Variants in TNRC6B observed in about 807,000 individuals in gnomAD.
TNRC6B encodes the protein trinucleotide repeat containing adaptor 6B.
TNRC6B carries 52 observed loss-of-function variants against 203.6 expected under a neutral mutation model. The ratio of observed to expected loss-of-function variants is 0.26; its 90% confidence interval spans 0.20 to 0.32. TNRC6B has a LOEUF of 0.32. Ranked by LOEUF, TNRC6B falls within the 10% of genes least tolerant of loss-of-function variation. The probability of loss-of-function intolerance (pLI) is 1.00; values close to 1 mark genes in which losing one functional copy is unlikely to be tolerated. For missense variants in TNRC6B, 1,923 were observed against 2,286.2 expected (o/e 0.84, Z 3.24); for synonymous variants, 838 against 845.7 (o/e 0.99, Z 0.16).
Position 40,265,617 on chromosome 22 carries a change from C to G in TNRC6B, c.1387C>G (p.Gln463Glu). The G allele has an allele frequency of 6.2e-7, 1 of 1,613,716 alleles. No individual in the cohort carries two copies. Among genetic ancestry groups the G allele is most frequent in the Non-Finnish European group, 8.5e-7 (1 of 1,179,754 alleles). Residue 463 changes from glutamine to glutamate, a missense_variant, in exon 5 of 23, where the codon CAG becomes GAG. By Grantham distance (29) the Gln-to-Glu change is conservative. This residue lies in a region of TNRC6B where 614 missense variants were observed against 587.7 expected (regional missense o/e 1.04). Coordinates refer to ENST00000454349, the MANE Select transcript of TNRC6B (RefSeq NM_001162501.2). ...GGACTCCTGGAAAGGAGCTTCTGTT[C>G]AGAAATCAACTGGGTCAAAAAATGA... is the stretch of plus-strand genomic sequence containing the variant. ...REDSWKGASV[Q>E]KSTGSKNDSW... is the part of the protein sequence containing the mutation.
rs1190969055 is a variant in TNRC6B, at chr22:40,132,085, C to T, written c.45+6223C>T. On this transcript the variant is annotated intron_variant, in intron 3 of 23. Coordinates refer to the TNRC6B transcript ENST00000301923. The stretch of plus-strand genomic sequence containing the variant: ...TTCTGTGACTGGGTGCAGTGGCTCA[C>T]GCCTGTAATCCCAGCAGTTTGGGAG... Among the ~76,000 whole-genome samples, 5 of 152,156 alleles carry T rather than the reference C, an allele frequency of 3.3e-5. No individual in the cohort carries two copies. In the East Asian group the frequency reaches 5.8e-4, roughly 18 times the overall value.
In TNRC6B at chr22:40,111,133, C is replaced by G. The variant is rs137894684; in HGVS notation, c.-120-5922C>G. On this transcript the variant is annotated intron_variant, in intron 1 of 23. Transcript: ENST00000301923. ...GAAAGACTTCACAGAACAGGTTTCC[C>G]TAAGCCTGCATCTTGAAAGTTGGGA... Among the ~76,000 whole-genome samples, 12 of 152,328 alleles carry G rather than the reference C, an allele frequency of 7.9e-5. No homozygotes were observed. The East Asian group carries it at 2.3e-3, about 29-fold the overall frequency.
intron 4 of TNRC6B, among the ~76,000 whole-genome samples, chr22:40,167,424 G>A (rs1475890011): frequency 1.3e-5 from 2 of 152,088 alleles, no homozygotes; most frequent in Non-Finnish European, 2.9e-5. Context: ...AGGGGCTGAG[G>A]AAAGGGGAAA....
chr22:40,252,541 G>A (rs984566755), intron 3 of TNRC6B, among the ~76,000 whole-genome samples: 13 of 152,176 alleles, frequency 8.5e-5, no homozygotes, highest in South Asian at 4.1e-4. Flanking sequence ...ATAAATTCTC[G>A]TATGACTAGG....
chr22:40,283,078 C>T (rs559076884), intron 11 of TNRC6B, among the ~76,000 whole-genome samples: 35 of 151,962 alleles, frequency 2.3e-4, no homozygotes, highest in Non-Finnish European at 4.9e-4. Flanking sequence ...CTCTGTCGCC[C>T]AGGCTGGAAT....
chr22:40,268,411 C>T (rs2070510419), intron 5 of TNRC6B, among the ~76,000 whole-genome samples: 1 of 152,116 alleles, frequency 6.6e-6, no homozygotes, highest in South Asian at 2.1e-4. Flanking sequence ...CCGAGTACAC[C>T]TCTAGTGTTC....
At position 40,062,654 on chromosome 22, in the gene TNRC6B, G is replaced by T. The variant is rs189802396; in HGVS notation, c.-121+17656G>T. Among the ~76,000 whole-genome samples, 6 of 152,248 alleles carry T rather than the reference G, an allele frequency of 3.9e-5. No homozygotes were observed. The East Asian group carries it at 1.2e-3, about 29-fold the overall frequency. On this transcript the variant is annotated intron_variant, in intron 1 of 23. Coordinates refer to the TNRC6B transcript ENST00000301923. Reference sequence around the variant, plus strand: ...CTTTTCATTGTCTGGCACTTTTATTGTCAGCTATCCTACTGGGTAGGAAAT... The same window carrying T: ...CTTTTCATTGTCTGGCACTTTTATTTTCAGCTATCCTACTGGGTAGGAAAT...
At chr22:40,129,205 GAGAC>G (rs1305838038) in intron 3 of TNRC6B, among the ~76,000 whole-genome samples, 1 of 152,224 alleles carries the variant, frequency 6.6e-6, no homozygotes, top group Non-Finnish European at 1.5e-5. Context: ...GTTAGAGAGA[GAGAC>G]AGAGACCTTG....
rs141372293 is a variant in TNRC6B at position 40,236,936 on chromosome 22, G to A, written c.6-9079G>A. 8.5e-4 allele frequency among the ~76,000 whole-genome samples: 129 copies of A among 152,220 alleles called. 2 individuals carry two copies. The East Asian group carries it at 9.1e-3, about 11-fold the overall frequency. ...TCCCAACATTTTGGGAGGTCGAGGC[G>A]GGCGGATTATCTGAGGCCAGGAGTT... On this transcript the variant is annotated intron_variant, in intron 1 of 22. Transcript: ENST00000454349.
At chr22:40,114,542 C>T (rs959107657) in intron 1 of TNRC6B, among the ~76,000 whole-genome samples, 10 of 152,198 alleles carry the variant, frequency 6.6e-5, no homozygotes, top group Admixed American at 1.3e-4. Flanking sequence ...AGGCTGATCT[C>T]GAACTCCTGA....
At chr22:40,153,581 AGTG>A (rs2068781037) in intron 3 of TNRC6B, among the ~76,000 whole-genome samples, 1 of 151,862 alleles carries the variant, frequency 6.6e-6, no homozygotes, top group Non-Finnish European at 1.5e-5. Flanking sequence ...AAGAAGAGGA[AGTG>A]GTAATTATTA....
At chr22:40,277,179 A>G in intron 8 of TNRC6B, 28 bp downstream of exon 8, 1 of 1,546,178 alleles carries the variant, frequency 6.5e-7, no homozygotes. Context: ...CAAATGTATA[A>G]CGTATCCCAA....
chr22:40,145,687 C>T (rs180849458), intron 3 of TNRC6B, among the ~76,000 whole-genome samples: 2 of 152,050 alleles, frequency 1.3e-5, no homozygotes, highest in East Asian at 1.9e-4. Context: ...ACTAAAAATA[C>T]AAAAATTAGC....
intron 1 of TNRC6B, among the ~76,000 whole-genome samples, chr22:40,100,067 ATTATTTATTTAT>A (rs34836211): frequency 2.1e-3 from 234 of 112,080 alleles, no homozygotes; most frequent in African/African-American, 4.5e-3. Context: ...TTTTATTTTT[ATTATTTATTTAT>A]TTATTTATTT....
At chr22:40,274,495 A>G (rs868472553) in intron 7 of TNRC6B, among the ~76,000 whole-genome samples, 2 of 148,256 alleles carry the variant, frequency 1.3e-5, no homozygotes, top group Admixed American at 6.8e-5. Context: ...GTCTCAGCTC[A>G]CTGCAAGCTC....
chr22:40,150,741 A>G (rs2068743941), intron 3 of TNRC6B, among the ~76,000 whole-genome samples: 1 of 152,208 alleles, frequency 6.6e-6, no homozygotes, highest in Non-Finnish European at 1.5e-5. Context: ...TCATTCCCAG[A>G]ACACTGAAAG....
chr22:40,281,039 TTCTC>T, intron 10 of TNRC6B, 76 bp from the exon 11 acceptor site: 1 of 1,198,808 alleles, frequency 8.3e-7, no homozygotes. Context: ...TTGCTAGTGT[TTCTC>T]TCTTTTCCCT....
chr22:40,273,616 A>G lies in TNRC6B; in HGVS notation c.3141+16A>G. The G allele has an allele frequency of 6.4e-7, 1 of 1,554,418 alleles. No homozygotes were observed. Among genetic ancestry groups the G allele is most frequent in the Non-Finnish European group, 8.7e-7 (1 of 1,149,756 alleles). ...ACAAATGAAGGTAGCCTGCTTAGAA[A>G]TGTTCGCACTTGCTCATTCGCTCTG... On this transcript the variant is annotated intron_variant, in intron 7 of 22. Coordinates refer to ENST00000454349, the MANE Select transcript of TNRC6B (RefSeq NM_001162501.2).
intron 1 of TNRC6B, among the ~76,000 whole-genome samples, chr22:40,054,908 G>A (rs534829364): frequency 3.1e-4 from 47 of 151,706 alleles, no homozygotes; most frequent in Non-Finnish European, 5.9e-4. Flanking sequence ...GTAGTAGTGC[G>A]CGCCAGTAGT....
Sources: allele counts gnomAD v4.1 joint callset (sites outside exome capture counted in the v4.1 genomes callset), GRCh38; gene constraint gnomAD v4.1.1; regional missense constraint gnomAD v4.1.1; transcripts MANE v1.5; gene names NCBI Gene and HGNC (gene_info 2026-07-23, HGNC 2026-07-21).